CNTN4: variants seen among roughly 807,000 people sequenced by gnomAD.
CNTN4 encodes the protein contactin 4, also known as contactin-4.
Under a neutral mutation model 122.5 loss-of-function variants are expected in CNTN4, and 77 were observed. The observed-to-expected ratio is 0.63, with a 90% CI of 0.52 to 0.76. CNTN4 has a LOEUF of 0.76. Among genes scored for constraint, CNTN4 ranks in the 30% least tolerant of loss-of-function variants. The probability of loss-of-function intolerance (pLI) is 0.00; values close to 1 mark genes in which losing one functional copy is unlikely to be tolerated. For synonymous variants in CNTN4, 512 were observed against 447.0 expected (o/e 1.15, Z -1.83); for missense variants, 1,256 against 1,259.1 (o/e 1.00, Z 0.04).
chr3:2,915,216 C>T (rs1023633505), intron 12 of CNTN4, among the ~76,000 whole-genome samples: 3 of 152,184 alleles, frequency 2.0e-5, no homozygotes, highest in Admixed American at 1.3e-4. Flanking sequence ...CAGACGCATG[C>T]CAACATGGCT....
intron 2 of CNTN4, among the ~76,000 whole-genome samples, chr3:2,331,260 T>G (rs775577978): frequency 2.6e-5 from 4 of 152,184 alleles, no homozygotes; most frequent in Non-Finnish European, 5.9e-5. Context: ...TTTCCTTCTT[T>G]GTTTCTAGGA....
At chr3:2,627,918 T>A (rs2082273748) in intron 4 of CNTN4, among the ~76,000 whole-genome samples, 1 of 152,242 alleles carries the variant, frequency 6.6e-6, no homozygotes, top group Admixed American at 6.5e-5. Context: ...TAGATTTTGT[T>A]CTGTCGTCAA....
chr3:2,118,015 A>C (rs67645795), intron 2 of CNTN4, among the ~76,000 whole-genome samples: 6,806 of 152,306 alleles, frequency 0.045, 349 homozygotes, highest in East Asian at 0.24. Context: ...GCTATTACAG[A>C]CACTCTTAGA....
chr3:2,597,828 T>C (rs1282605864), intron 4 of CNTN4, among the ~76,000 whole-genome samples: 6 of 152,160 alleles, frequency 3.9e-5, no homozygotes, highest in Non-Finnish European at 8.8e-5. Flanking sequence ...TTTGTTCCCA[T>C]CTAATCATGT....
intron 3 of CNTN4, among the ~76,000 whole-genome samples, chr3:2,521,666 A>G (rs1353434847): frequency 6.6e-6 from 1 of 152,124 alleles, no homozygotes. Flanking sequence ...TATAAAAAGA[A>G]AATTGGTAGT....
chr3:2,564,845 A>C (rs772780504), intron 3 of CNTN4, among the ~76,000 whole-genome samples: 1 of 152,172 alleles, frequency 6.6e-6, no homozygotes, highest in African/African-American at 2.4e-5. Context: ...AGAAATTTCA[A>C]TGAAAGACTT....
chr3:2,707,880 A>C (rs187015969), intron 4 of CNTN4, among the ~76,000 whole-genome samples: 1 of 152,204 alleles, frequency 6.6e-6, no homozygotes, highest in African/African-American at 2.4e-5. Flanking sequence ...AGCATTTGCG[A>C]GTAAGGTAGC....
At chr3:2,281,732 C>A (rs1575255270) in intron 2 of CNTN4, among the ~76,000 whole-genome samples, 2 of 151,892 alleles carry the variant, frequency 1.3e-5, no homozygotes, top group African/African-American at 4.8e-5. Flanking sequence ...TTCTTCTTAC[C>A]TTTTTGTTTA....
intron 10 of CNTN4, among the ~76,000 whole-genome samples, chr3:2,895,893 C>G (rs541084049): frequency 6.6e-6 from 1 of 152,110 alleles, no homozygotes; most frequent in Non-Finnish European, 1.5e-5. Flanking sequence ...ATTAGCCGAG[C>G]GTGGTGGCGG....
chr3:2,978,489 T>C (rs192407938), intron 13 of CNTN4, among the ~76,000 whole-genome samples: 3 of 152,396 alleles, frequency 2.0e-5, no homozygotes, highest in Non-Finnish European at 2.9e-5. Context: ...TCCAGCCTAT[T>C]GGTGCCCTAA....
chr3:2,770,098 C>T lies in CNTN4; in HGVS notation c.358+24401C>T, dbSNP rs188699141. On this transcript the variant is annotated intron_variant, in intron 6 of 24. Coordinates refer to ENST00000418658, the MANE Select transcript of CNTN4 (RefSeq NM_175607.3). The stretch of plus-strand genomic sequence containing the variant: ...AAGCTGGAGTGCAATGGCGTGATCT[C>T]AGCTCACTGCAACCTCCAACTCCCT... Among the ~76,000 whole-genome samples the T allele has an allele frequency of 2.0e-3, 309 of 151,232 alleles. 2 individuals carry two copies. Among genetic ancestry groups the T allele is most frequent in the African/African-American group, 7.0e-3 (288 of 41,146 alleles).
intron 3 of CNTN4, among the ~76,000 whole-genome samples, chr3:2,398,295 A>G (rs1186941035): frequency 1.3e-5 from 2 of 152,130 alleles, no homozygotes; most frequent in Admixed American, 6.6e-5. Flanking sequence ...AAAACAAAAG[A>G]TGATATTTCT....
chr3:2,369,331 CT>C (rs1031366578), intron 3 of CNTN4, among the ~76,000 whole-genome samples: 1 of 152,182 alleles, frequency 6.6e-6, no homozygotes. Flanking sequence ...GAGAGTAGGA[CT>C]TTCCCCTCTC....
At chr3:2,751,825 T>C (rs2149608786) in intron 6 of CNTN4, among the ~76,000 whole-genome samples, 1 of 152,196 alleles carries the variant, frequency 6.6e-6, no homozygotes, top group East Asian at 1.9e-4. Context: ...CCTACACTCA[T>C]AAACAATACA....
intron 2 of CNTN4, among the ~76,000 whole-genome samples, chr3:2,240,944 T>C (rs1385782853): frequency 2.0e-5 from 3 of 152,106 alleles, no homozygotes; most frequent in Non-Finnish European, 4.4e-5. Flanking sequence ...TGTTGAATAT[T>C]TGTAGTAAGG....
At chr3:2,856,691 T>C (rs1319315584) in intron 7 of CNTN4, among the ~76,000 whole-genome samples, 2 of 152,206 alleles carry the variant, frequency 1.3e-5, no homozygotes, top group African/African-American at 4.8e-5. Flanking sequence ...TATGAATCCA[T>C]TAATCACGGA....
At chr3:2,525,704 A>T (rs1323806512) in intron 3 of CNTN4, among the ~76,000 whole-genome samples, 1 of 152,206 alleles carries the variant, frequency 6.6e-6, no homozygotes, top group Non-Finnish European at 1.5e-5. Context: ...CAAATATATT[A>T]TCTGGAACAC....
intron 3 of CNTN4, among the ~76,000 whole-genome samples, chr3:2,461,120 T>C (rs895236363): frequency 6.6e-6 from 1 of 152,132 alleles, no homozygotes; most frequent in African/African-American, 2.4e-5. Flanking sequence ...AGGCCCATAT[T>C]TATTATACAT....
chr3:2,714,051 C>G lies in CNTN4; in HGVS notation c.56-22164C>G, dbSNP rs553271359. Among the ~76,000 whole-genome samples, 6 of 152,240 alleles carry G rather than the reference C, an allele frequency of 3.9e-5. No individual in the cohort carries two copies. The South Asian group carries it at 1.2e-3, about 32-fold the overall frequency. ...CACTACCATTGTGGATTTTATCCTT[C>G]TACAGAACTAGTAATAATAATCATA... On this transcript the variant is annotated intron_variant, in intron 4 of 24. Coordinates refer to ENST00000418658, the MANE Select transcript of CNTN4 (RefSeq NM_175607.3).
Sources: allele counts gnomAD v4.1 joint callset (sites outside exome capture counted in the v4.1 genomes callset), GRCh38; gene constraint gnomAD v4.1.1; transcripts MANE v1.5; gene names NCBI Gene and HGNC (gene_info 2026-07-23, HGNC 2026-07-21).